The following MPP4 variants were observed in gnomAD, a reference collection of about 807,000 sequenced individuals.
The protein encoded by MPP4 is MAGUK p55 scaffold protein 4, also known as MAGUK p55 subfamily member 4.
Under a neutral mutation model 98.3 loss-of-function variants are expected in MPP4, and 91 were observed. That is an observed-to-expected ratio of 0.93 (90% CI 0.78 to 1.10). The LOEUF is 1.10. Ranked by LOEUF, MPP4 falls within the 50% of genes least tolerant of loss-of-function variation. MPP4 has a pLI of 0.00. For synonymous variants in MPP4, 261 were observed against 271.8 expected (o/e 0.96, Z 0.39); for missense variants, 744 against 792.9 (o/e 0.94, Z 0.74).
intron 10 of MPP4, among the ~76,000 whole-genome samples, chr2:201,676,831 C>A (rs1688519896): frequency 6.6e-6 from 1 of 152,132 alleles, no homozygotes; most frequent in South Asian, 2.1e-4. Flanking sequence ...ACCCAAGAGG[C>A]CAGGGCTGCA....
chr2:201,645,081 A>T lies in MPP4; in HGVS notation c.*129T>A. 2.4e-6 allele frequency: 2 copies of T among 818,832 alleles called. No homozygotes were observed. The highest frequency in any genetic ancestry group is 3.4e-6 in the Non-Finnish European group (2 of 588,332). The allele number at this position is 818,832 out of a possible 1,614,324, so 50.7% of individuals were successfully genotyped here. On this transcript the variant is annotated 3_prime_UTR_variant, in exon 22 of 22. Transcript: ENST00000409474. ...ATAAAAATTTTTTTCAAATAAGATTAATTAATAAATTGCTGCACTTTTAAA... is the reference window on the plus strand; with the variant it reads ...ATAAAAATTTTTTTCAAATAAGATTTATTAATAAATTGCTGCACTTTTAAA...
intron 17 of MPP4, among the ~76,000 whole-genome samples, 190 bp from the exon 18 acceptor site, chr2:201,655,107 G>C (rs939439198): frequency 6.6e-6 from 1 of 152,188 alleles, no homozygotes; most frequent in Non-Finnish European, 1.5e-5. Context: ...GTGACCCATG[G>C]AGTAATCCAC....
intron 4 of MPP4, 25 bp downstream of exon 4, chr2:201,690,177 A>G (rs774661525): frequency 1.3e-6 from 2 of 1,534,674 alleles, no homozygotes; most frequent in South Asian, 2.3e-5. Flanking sequence ...GAGCTCTACT[A>G]TCCTGTGGAA....
At chr2:201,659,314 G>T (rs983390762) in intron 15 of MPP4, among the ~76,000 whole-genome samples, 1 of 151,896 alleles carries the variant, frequency 6.6e-6, no homozygotes, top group African/African-American at 2.4e-5. Flanking sequence ...GATAAGATTT[G>T]CTCTGTGGCT....
chr2:201,649,605 T>A lies in MPP4; in HGVS notation c.1555A>T (p.Lys519Ter). Residue 519 changes from lysine to a stop codon, truncating the protein, a stop_gained, in exon 20 of 22, where the codon AAG (lysine) becomes TAG (stop). Transcript: ENST00000409474. LOFTEE classifies it high-confidence loss of function. ...DAVQTVLVEG[K>*]ICVMDLEPQD... ...GGCTCTAGGTCCATGACACAGATCT[T>A]TCCTTCGACAAGGACTGTTTGAACA... 6.2e-7 allele frequency: 1 copy of A among 1,607,844 alleles called. No individual in the cohort carries two copies. Among genetic ancestry groups the A allele is most frequent in the Non-Finnish European group, 8.5e-7 (1 of 1,177,090 alleles).
intron 7 of MPP4, among the ~76,000 whole-genome samples, chr2:201,683,600 A>G (rs1688726999): frequency 6.6e-6 from 1 of 152,012 alleles, no homozygotes; most frequent in Non-Finnish European, 1.5e-5. Context: ...AATACAAAAA[A>G]AATTAGCTGG....
chr2:201,645,384 C>T lies in MPP4; in HGVS notation c.1740G>A (p.Met580Ile). 1 of 1,613,902 alleles carries T rather than the reference C, an allele frequency of 6.2e-7. No individual in the cohort carries two copies. The highest frequency in any genetic ancestry group is 2.2e-5 in the East Asian group (1 of 44,878). ...TTTCCATTCTTTGGGCTAAATTTTC[C>T]ATCTCTTGTAGGTCTTCATCCTTTA... ...MKFKDEDLQE[M>I]ENLAQRMETQ... Residue 580 changes from methionine to isoleucine, a missense_variant, in exon 22 of 22, where the codon ATG (methionine) becomes ATA (isoleucine). Met to Ile is a conservative substitution (Grantham distance 10). Coordinates refer to ENST00000409474, the MANE Select transcript of MPP4 (RefSeq NM_033066.3).
intron 18 of MPP4, chr2:201,651,245 C>T (rs1574597988): frequency 1.0e-6 from 1 of 985,418 alleles, no homozygotes; most frequent in South Asian, 4.7e-5. Context: ...AAAGGAGTTA[C>T]CAACCTTCAA....
intron 1 of MPP4, among the ~76,000 whole-genome samples, chr2:201,697,197 A>G (rs577398370): frequency 1.3e-5 from 2 of 152,332 alleles, no homozygotes; most frequent in South Asian, 2.1e-4. Flanking sequence ...TGGCATCCCA[A>G]TCTTCAACTT....
intron 3 of MPP4, among the ~76,000 whole-genome samples, chr2:201,692,576 G>C (rs1050190065): frequency 1.3e-5 from 2 of 151,588 alleles, no homozygotes; most frequent in Admixed American, 6.6e-5. Context: ...TAAGGTCTTT[G>C]GGAGCCGATA....
chr2:201,650,241 A>T, intron 18 of MPP4, 76 bp from the exon 19 acceptor site: 1 of 1,492,442 alleles, frequency 6.7e-7, no homozygotes, highest in East Asian at 2.5e-5. Context: ...GAATAAAGAT[A>T]TCTAATCAAA....
chr2:201,650,048 T>C, intron 19 of MPP4, 24 bp downstream of exon 19: 1 of 1,522,042 alleles, frequency 6.6e-7, no homozygotes, highest in Non-Finnish European at 8.8e-7. Context: ...GAGGTAAGAA[T>C]CAGCTTCTGA....
chr2:201,669,125 A>T (rs776328622), intron 12 of MPP4, among the ~76,000 whole-genome samples: 1,982 of 121,994 alleles, frequency 0.016, 27 homozygotes, highest in African/African-American at 0.043. Flanking sequence ...TGTGTGTGAG[A>T]GAGAGAGAGA....
intron 1 of MPP4, among the ~76,000 whole-genome samples, chr2:201,694,523 C>A (rs147644532): frequency 1.3e-5 from 2 of 150,986 alleles, no homozygotes; most frequent in Non-Finnish European, 2.9e-5. Flanking sequence ...AACACTGTAA[C>A]GATCTGTTGT....
rs202096827 is a variant in MPP4 at position 201,675,277 on chromosome 2, G to T, written c.930-6C>A. 2.7e-5 allele frequency: 44 copies of T among 1,605,592 alleles called. No individual in the cohort carries two copies. In the African/African-American group the frequency reaches 5.1e-4, roughly 19 times the overall value. The stretch of plus-strand genomic sequence containing the variant: ...ACCAGAATTCCCGTTGCTTCCTATG[G>T]GGGGGAAAAAACCATGCGACAAAAA... On this transcript the variant is annotated splice_region_variant and splice_polypyrimidine_tract_variant and intron_variant, in intron 10 of 21. Transcript: ENST00000409474.
intron 16 of MPP4, among the ~76,000 whole-genome samples, chr2:201,657,399 C>CA (rs1376976150): frequency 3.3e-5 from 5 of 152,076 alleles, no homozygotes; most frequent in African/African-American, 1.2e-4. Flanking sequence ...TCTCAGTAGA[C>CA]AGAGTTAGCA....
Position 201,692,929 on chromosome 2 carries a change from C to A in MPP4, c.180G>T (p.Pro60=). The A allele has an allele frequency of 1.2e-6, 2 of 1,609,774 alleles. No homozygotes were observed. Among genetic ancestry groups the A allele is most frequent in the Admixed American group, 1.7e-5 (1 of 59,424 alleles). ...TCACCTTTAGCAGAGCCTGAAGCCA[C>A]GGCGAGTGGAGGAGATCGTACAAGA... The part of the protein sequence containing the change: ...VCLLYDLLHS[P]WLQALLKIYD... The change falls in exon 3 of 22, where the codon CCG becomes CCT. Residue 60 remains proline, a synonymous_variant. Coordinates refer to ENST00000409474, the MANE Select transcript of MPP4 (RefSeq NM_033066.3).
Position 201,675,190 on chromosome 2 carries a change from G to A in MPP4, c.994+17C>T, listed in dbSNP as rs761628557. On this transcript the variant is annotated intron_variant, in intron 11 of 21. Transcript: ENST00000409474. ...ATTGCAAACAGGAAGAACCTGTCGG[G>A]CAGTTGCAATACTCACATAGGGTTG... is the stretch of plus-strand genomic sequence containing the variant. 7 of 1,599,584 alleles carry A rather than the reference G, an allele frequency of 4.4e-6. No individual in the cohort carries two copies. The East Asian group carries it at 1.6e-4, about 36-fold the overall frequency.
At chr2:201,684,841 T>C (rs1431019703) in intron 7 of MPP4, among the ~76,000 whole-genome samples, 2 of 151,092 alleles carry the variant, frequency 1.3e-5, no homozygotes, top group African/African-American at 4.9e-5. Flanking sequence ...TCCCAGCTAC[T>C]TGGGAGGCTG....
Sources: gnomAD v4.1 joint callset for allele counts (sites outside exome capture counted in the v4.1 genomes callset) on GRCh38, gnomAD v4.1.1 for gene constraint, MANE v1.5 for transcripts, NCBI Gene and HGNC (gene_info 2026-07-23, HGNC 2026-07-21) for gene names.